Variants in PKD1L1 observed in about 807,000 individuals in gnomAD.
PKD1L1 encodes polycystin 1 like 1, transient receptor potential channel interacting.
In PKD1L1, 236 loss-of-function variants were observed where a neutral mutation model predicts 323.4. The observed-to-expected ratio is 0.73, with a 90% confidence interval of 0.66 to 0.81. The LOEUF is 0.81. Among genes scored for constraint, PKD1L1 ranks in the 40% least tolerant of loss-of-function variants. The pLI, the probability that PKD1L1 is intolerant of heterozygous loss-of-function variation, is 0.00. For synonymous variants in PKD1L1, 1,344 were observed against 1,335.0 expected, an observed-to-expected ratio of 1.01 and a Z score of -0.15; for missense variants, 3,320 against 3,508.0, an observed-to-expected ratio of 0.95 and a Z score of 1.35.
chr7:47,895,760 GT>G (rs1175785585), intron 14 of PKD1L1, among the ~76,000 whole-genome samples: 5 of 152,138 alleles, frequency 3.3e-5, no homozygotes, highest in Non-Finnish European at 5.9e-5. Context: ...TACGGTTGGT[GT>G]TTTTTATTAG....
At chr7:47,903,264 A>G (rs1420036763) in intron 12 of PKD1L1, among the ~76,000 whole-genome samples, 1 of 152,242 alleles carries the variant, frequency 6.6e-6, no homozygotes, top group Non-Finnish European at 1.5e-5. Context: ...CTGGAGCTCC[A>G]GCAAGAAAGG....
chr7:47,799,667 T>C (rs1784618166), intron 54 of PKD1L1, among the ~76,000 whole-genome samples: 1 of 152,136 alleles, frequency 6.6e-6, no homozygotes, highest in African/African-American at 2.4e-5. Context: ...GAACACCACA[T>C]TGACCCTGTC....
intron 1 of PKD1L1, among the ~76,000 whole-genome samples, chr7:47,945,179 C>T (rs1788070026): frequency 6.6e-6 from 1 of 152,196 alleles, no homozygotes; most frequent in African/African-American, 2.4e-5. Context: ...CCTGTATTAG[C>T]TAAATGCTTG....
intron 46 of PKD1L1, among the ~76,000 whole-genome samples, chr7:47,816,355 C>T (rs1486357859): frequency 3.3e-5 from 5 of 152,178 alleles, no homozygotes; most frequent in African/African-American, 4.8e-5. Context: ...TGAAATTTAT[C>T]ATTTTTAGTT....
chr7:47,949,057 G>A (rs528064582), upstream of PKD1L1, among the ~76,000 whole-genome samples: 2 of 152,240 alleles, frequency 1.3e-5, no homozygotes, highest in South Asian at 2.1e-4. Flanking sequence ...TGGAAGCTGA[G>A]AGAAGTCTGA....
At chr7:47,800,523 G>T in intron 54 of PKD1L1, 126 bp downstream of exon 54, 2 of 963,804 alleles carry the variant, frequency 2.1e-6, no homozygotes, top group Non-Finnish European at 1.6e-6. Flanking sequence ...CTGGACGGCA[G>T]GGATTCATTA....
intron 7 of PKD1L1, 85 bp downstream of exon 7, chr7:47,929,119 C>G (rs1006748326): frequency 6.5e-6 from 9 of 1,390,272 alleles, no homozygotes; most frequent in Admixed American, 2.2e-5. Context: ...AATGCAGTTT[C>G]TTTTCTTTTC....
rs572861535 is a variant in PKD1L1 at position 47,924,182 on chromosome 7, TC to T, written c.1060+5021del. ...CAGGGAGAAAGTTCTCAAACCTGTC[TC>T]CCCCAGAATTTGGAGGCTGGGGTTT... On this transcript the variant is annotated intron_variant, in intron 7 of 56. Coordinates refer to ENST00000289672, the MANE Select transcript of PKD1L1 (RefSeq NM_138295.5). Among the ~76,000 whole-genome samples the T allele has an allele frequency of 6.1e-3, 932 of 152,174 alleles. 5 individuals carry two copies. Among genetic ancestry groups the T allele is most frequent in the Non-Finnish European group, 9.2e-3 (623 of 67,988 alleles).
intron 1 of PKD1L1, 124 bp from the exon 2 acceptor site, chr7:47,943,635 G>T: frequency 1.4e-6 from 1 of 715,272 alleles, no homozygotes; most frequent in South Asian, 1.8e-5. Context: ...GTACAAAATT[G>T]GCTGCCATAT....
At position 47,787,991 on chromosome 7, in the gene PKD1L1, G is replaced by A. The variant is rs1463871472; in HGVS notation, c.8526+4636C>T. Among the ~76,000 whole-genome samples, 12 of 152,214 alleles carry A rather than the reference G, an allele frequency of 7.9e-5. 1 individual carries two copies. The South Asian group carries it at 1.5e-3, about 18-fold the overall frequency. ...CTCCTAAAGTGCTTGTATTGTAGGC[G>A]GGAGCCACTGTGTCCGGCCTGTTGT... is the stretch of plus-strand genomic sequence containing the variant. On this transcript the variant is annotated intron_variant, in intron 56 of 56. Coordinates refer to ENST00000289672, the MANE Select transcript of PKD1L1 (RefSeq NM_138295.5).
rs777321125 is a variant in PKD1L1, at chr7:47,904,598, C to G, written c.1711G>C (p.Ala571Pro). 1.2e-6 allele frequency: 2 copies of G among 1,613,182 alleles called. No homozygotes were observed. The highest frequency in any genetic ancestry group is 1.7e-6 in the Non-Finnish European group (2 of 1,179,324). Residue 571 changes from alanine (A) to proline (P), a missense_variant, in exon 12 of 57, where the codon GCT becomes CCT. Physicochemically the swap from Ala to Pro is conservative, Grantham distance 27 (BLOSUM62 -1). Transcript: ENST00000289672. ...IPQWYRVMVKASNRMSSVVSE... is the reference protein window; with the variant it reads ...IPQWYRVMVKPSNRMSSVVSE... ...ACCACACTGCTCATCCTGTTGGAAG[C>G]CTTAACCATCACACGATACCTGCAG... is the stretch of plus-strand genomic sequence containing the variant.
chr7:47,811,003 C>T (rs1784880504), intron 50 of PKD1L1, among the ~76,000 whole-genome samples: 2 of 152,130 alleles, frequency 1.3e-5, no homozygotes, highest in African/African-American at 4.8e-5. Flanking sequence ...TGCTCTCTTT[C>T]CCTGTGTATA....
At chr7:47,897,959 C>T (rs745318529) in intron 14 of PKD1L1, 29 bp downstream of exon 14, 1 of 1,552,742 alleles carries the variant, frequency 6.4e-7, no homozygotes, top group South Asian at 1.2e-5. Context: ...TTTCATTGGG[C>T]CAGTAGAGCA....
chr7:47,894,218 T>C (rs184175159), intron 14 of PKD1L1, among the ~76,000 whole-genome samples, 159 bp from the exon 15 acceptor site: 18 of 152,314 alleles, frequency 1.2e-4, no homozygotes, highest in Admixed American at 1.2e-3. Flanking sequence ...ACCACTCTAC[T>C]GTACGACATG....
intron 45 of PKD1L1, among the ~76,000 whole-genome samples, chr7:47,822,878 T>C (rs1785174670): frequency 1.3e-5 from 2 of 152,294 alleles, no homozygotes; most frequent in African/African-American, 4.8e-5. Flanking sequence ...TACTGGTATA[T>C]AGGAATATAA....
chr7:47,864,441 C>G (rs1187468408), intron 26 of PKD1L1, among the ~76,000 whole-genome samples: 1 of 152,080 alleles, frequency 6.6e-6, no homozygotes, highest in Non-Finnish European at 1.5e-5. Flanking sequence ...AAGGAAAAAC[C>G]CAATGCCATG....
At chr7:47,859,314 T>G (rs1304169346) in intron 26 of PKD1L1, among the ~76,000 whole-genome samples, 1 of 152,186 alleles carries the variant, frequency 6.6e-6, no homozygotes, top group Non-Finnish European at 1.5e-5. Flanking sequence ...CTATGTGCAT[T>G]CTATTCTCAA....
chr7:47,785,221 A>G (rs1290979422), intron 56 of PKD1L1, among the ~76,000 whole-genome samples: 1 of 152,214 alleles, frequency 6.6e-6, no homozygotes, highest in African/African-American at 2.4e-5. Context: ...CTTCACATGA[A>G]GAAACACATC....
At position 47,839,295 on chromosome 7, in the gene PKD1L1, A is replaced by G; in HGVS notation, c.5769+151T>C. 1.6e-6 allele frequency: 1 copy of G among 626,244 alleles called. No homozygotes were observed. The highest frequency in any genetic ancestry group is 2.8e-5 in the East Asian group (1 of 35,904). 38.8% of individuals were successfully genotyped at this position (626,244 alleles called of 1,614,324 possible). ...TGGCCACTCAATGAATGTATCATTT[A>G]ATATTTTGATATCGTGGTAATTAAC... On this transcript the variant is annotated intron_variant, in intron 36 of 56. Coordinates refer to ENST00000289672, the MANE Select transcript of PKD1L1 (RefSeq NM_138295.5). This position sits in a 1 kb window ranked among gnomAD's most constrained non-coding sequence, Gnocchi z 4.3.
Sources: allele counts gnomAD v4.1 joint callset (sites outside exome capture counted in the v4.1 genomes callset), GRCh38; gene constraint gnomAD v4.1.1; non-coding constraint Gnocchi (gnomAD v3.1); transcripts MANE v1.5; gene names NCBI Gene and HGNC (gene_info 2026-07-23, HGNC 2026-07-21).